Variants in LRRTM4 observed in about 807,000 individuals in gnomAD.
LRRTM4 encodes the protein leucine rich repeat transmembrane neuronal 4.
In LRRTM4, 25 loss-of-function variants were observed where a neutral mutation model predicts 47.6. That is an observed-to-expected ratio of 0.53 (90% CI 0.38 to 0.73). The LOEUF (loss-of-function observed/expected upper bound fraction) is 0.73, where lower values mean the gene tolerates loss of function less well. Among genes scored for constraint, LRRTM4 ranks in the 30% least tolerant of loss-of-function variants. The probability of loss-of-function intolerance (pLI) is 0.00; values close to 1 mark genes in which losing one functional copy is unlikely to be tolerated. For missense variants in LRRTM4, 638 were observed against 713.4 expected (o/e 0.89, Z 1.20); for synonymous variants, 311 against 269.5 (o/e 1.15, Z -1.51).
chr2:77,473,592 C>T (rs867611143), intron 3 of LRRTM4, among the ~76,000 whole-genome samples: 2 of 152,046 alleles, frequency 1.3e-5, no homozygotes, highest in African/African-American at 4.8e-5. Context: ...TGACACAGAA[C>T]ACCTTCTACT....
At chr2:77,035,912 C>G (rs1287531775) in intron 3 of LRRTM4, among the ~76,000 whole-genome samples, 1 of 151,822 alleles carries the variant, frequency 6.6e-6, no homozygotes, top group African/African-American at 2.4e-5. Context: ...CTATTAAGCT[C>G]TGAGGAGCAG....
chr2:77,477,666 A>G (rs1259949835), intron 3 of LRRTM4, among the ~76,000 whole-genome samples: 2 of 151,174 alleles, frequency 1.3e-5, no homozygotes, highest in Non-Finnish European at 2.9e-5. Flanking sequence ...AAATGGAGAA[A>G]CCCCGTCTCC....
chr2:76,799,470 C>G (rs1203365829), intron 3 of LRRTM4, among the ~76,000 whole-genome samples: 1 of 140,596 alleles, frequency 7.1e-6, no homozygotes, highest in Non-Finnish European at 1.6e-5. Context: ...TAAGAGCTAT[C>G]TATGACAAAC....
At chr2:77,191,840 T>A (rs1257645143) in intron 3 of LRRTM4, among the ~76,000 whole-genome samples, 1 of 152,004 alleles carries the variant, frequency 6.6e-6, no homozygotes, top group African/African-American at 2.4e-5. Flanking sequence ...CTAACTTAGG[T>A]AAACATAACT....
At chr2:77,406,510 C>G (rs1674192642) in intron 3 of LRRTM4, among the ~76,000 whole-genome samples, 1 of 151,988 alleles carries the variant, frequency 6.6e-6, no homozygotes, top group Non-Finnish European at 1.5e-5. Flanking sequence ...CTATGTTGCT[C>G]AGGCTGGTCT....
chr2:76,849,175 A>C (rs1671920896), intron 3 of LRRTM4, among the ~76,000 whole-genome samples: 1 of 152,084 alleles, frequency 6.6e-6, no homozygotes, highest in Admixed American at 6.6e-5. Flanking sequence ...CTTTGAGAGT[A>C]ATGTGGGGGG....
chr2:77,378,843 C>A (rs528052871), intron 3 of LRRTM4, among the ~76,000 whole-genome samples: 1 of 152,186 alleles, frequency 6.6e-6, no homozygotes, highest in South Asian at 2.1e-4. Context: ...ATGAGGCCAC[C>A]GGAGGTTTAC....
chr2:77,408,694 T>C (rs1273610831), intron 3 of LRRTM4, among the ~76,000 whole-genome samples: 1 of 152,212 alleles, frequency 6.6e-6, no homozygotes, highest in African/African-American at 2.4e-5. Context: ...CAAGCTCTGA[T>C]TCCCCATTGT....
At chr2:76,884,686 A>T (rs1288504467) in intron 3 of LRRTM4, among the ~76,000 whole-genome samples, 2 of 152,180 alleles carry the variant, frequency 1.3e-5, no homozygotes, top group African/African-American at 4.8e-5. Context: ...AAAAAGAGAA[A>T]CAACCAGTAC....
chr2:77,092,083 C>T (rs1437598802), intron 3 of LRRTM4, among the ~76,000 whole-genome samples: 1 of 152,276 alleles, frequency 6.6e-6, no homozygotes, highest in East Asian at 1.9e-4. Flanking sequence ...CTGTGCTCAA[C>T]TCACTCTCTA....
At chr2:77,507,675 C>T (rs1364737643) in intron 3 of LRRTM4, among the ~76,000 whole-genome samples, 1 of 151,096 alleles carries the variant, frequency 6.6e-6, no homozygotes, top group African/African-American at 2.4e-5. Context: ...GTTAGAATAC[C>T]ACACGCCACG....
At chr2:77,038,824 C>G (rs777620299) in intron 3 of LRRTM4, among the ~76,000 whole-genome samples, 7 of 151,384 alleles carry the variant, frequency 4.6e-5, no homozygotes, top group Non-Finnish European at 7.4e-5. Context: ...GCTCATGGAT[C>G]TAACCATCTA....
intron 3 of LRRTM4, among the ~76,000 whole-genome samples, chr2:77,087,103 T>C (rs1467663857): frequency 1.3e-5 from 2 of 152,194 alleles, no homozygotes; most frequent in Non-Finnish European, 2.9e-5. Context: ...TAGCTGCTGA[T>C]CTTATGAAGC....
intron 3 of LRRTM4, among the ~76,000 whole-genome samples, chr2:77,001,850 C>T (rs936451419): frequency 2.0e-5 from 3 of 152,158 alleles, no homozygotes; most frequent in African/African-American, 7.2e-5. Context: ...AACGGATCTG[C>T]ACAATCCCTT....
At chr2:76,897,995 A>G (rs1261617768) in intron 3 of LRRTM4, among the ~76,000 whole-genome samples, 1 of 152,186 alleles carries the variant, frequency 6.6e-6, no homozygotes, top group Non-Finnish European at 1.5e-5. Context: ...TTCCAAATGT[A>G]AACTGCAGTC....
chr2:77,020,681 T>C (rs1278442489), intron 3 of LRRTM4, among the ~76,000 whole-genome samples: 1 of 152,172 alleles, frequency 6.6e-6, no homozygotes, highest in Admixed American at 6.5e-5. Context: ...TGCAATTTTC[T>C]ATGACAATGA....
chr2:77,409,401 C>T (rs964796883), intron 3 of LRRTM4, among the ~76,000 whole-genome samples: 2 of 152,142 alleles, frequency 1.3e-5, no homozygotes, highest in African/African-American at 4.8e-5. Flanking sequence ...ATCAGAAGGA[C>T]AAGCTAGGTG....
In LRRTM4 at chr2:77,128,466, G is replaced by A. The variant is rs146217191; in HGVS notation, c.1552-379550C>T. Among the ~76,000 whole-genome samples the A allele has an allele frequency of 7.6e-4, 115 of 152,230 alleles. 1 individual carries two copies. In the East Asian group the frequency reaches 0.016, roughly 21 times the overall value. On this transcript the variant is annotated intron_variant, in intron 3 of 3. Coordinates refer to ENST00000409884, the MANE Select transcript of LRRTM4 (RefSeq NM_001134745.3). ...TAAAACTAAAACTTTTTCCATTGAT[G>A]TACCTGGGCCTATGTATTTGTGACA...
chr2:76,936,718 G>A (rs758339027), intron 3 of LRRTM4, among the ~76,000 whole-genome samples: 7 of 151,500 alleles, frequency 4.6e-5, no homozygotes, highest in Admixed American at 4.6e-4. Context: ...ACTTTGAGAG[G>A]CCAAGGCAGG....
Sources: gnomAD v4.1 joint callset for allele counts (sites outside exome capture counted in the v4.1 genomes callset) on GRCh38, gnomAD v4.1.1 for gene constraint, MANE v1.5 for transcripts, NCBI Gene and HGNC (gene_info 2026-07-23, HGNC 2026-07-21) for gene names.